Variants in ZNF215 observed in about 807,000 individuals in gnomAD.
The protein encoded by ZNF215 is zinc finger protein 215.
In ZNF215, 24 loss-of-function variants were observed where a neutral mutation model predicts 27.2. The observed-to-expected ratio is 0.88, with a 90% CI of 0.64 to 1.24. The LOEUF (loss-of-function observed/expected upper bound fraction) is 1.24. Ranked by LOEUF, ZNF215 falls within the 50% of genes most tolerant of loss-of-function variation. The pLI is 0.00. For synonymous variants in ZNF215, 210 were observed against 204.0 expected (o/e 1.03, Z -0.25); for missense variants, 675 against 605.7 (o/e 1.11, Z -1.20).
intron 5 of ZNF215, among the ~76,000 whole-genome samples, chr11:6,976,893 G>T (rs995523517): frequency 1.3e-5 from 2 of 152,022 alleles, no homozygotes; most frequent in Middle Eastern, 3.2e-3. Flanking sequence ...GATATCAGAC[G>T]TCTGAAATCA....
At chr11:6,965,478 A>ACTG (rs10657464) in intron 5 of ZNF215, among the ~76,000 whole-genome samples, 150,317 of 152,188 alleles carry the variant, frequency 0.99, 74,255 homozygotes, top group Middle Eastern at 1. Context: ...TGTTTCTAGA[A>ACTG]CTATTTATAG....
intron 1 of ZNF215, among the ~76,000 whole-genome samples, chr11:6,927,354 T>C (rs1005241333): frequency 1.3e-5 from 2 of 152,226 alleles, no homozygotes; most frequent in African/African-American, 4.8e-5. Flanking sequence ...TTATCTAAGC[T>C]ACTCTCGCCA....
chr11:6,956,431 C>A lies in ZNF215; in HGVS notation c.1454C>A (p.Thr485Lys), dbSNP rs545734774. 1.9e-6 allele frequency: 3 copies of A among 1,614,068 alleles called. No homozygotes were observed. The highest frequency in any genetic ancestry group is 2.5e-6 in the Non-Finnish European group (3 of 1,180,016). Residue 485 changes from threonine to lysine, a missense_variant, in exon 7 of 7, where the codon ACG becomes AAG. Transcript: ENST00000278319. ...CTTATTCGACACCAAATGATTCACA[C>A]GGGAGAGAAACCATTCAAATGTAAG... ...SSLIRHQMIH[T>K]GEKPFKCKEC...
chr11:6,993,519 T>TA (rs36083619), downstream of ZNF215, among the ~76,000 whole-genome samples: 10,184 of 152,216 alleles, frequency 0.067, 408 homozygotes, highest in Non-Finnish European at 0.093. Flanking sequence ...TTGGTGTTTT[T>TA]ATACCCCCTC....
chr11:6,958,064 A>G (rs1452632709), downstream of ZNF215: 1 of 985,142 alleles, frequency 1.0e-6, no homozygotes, highest in Non-Finnish European at 1.2e-6. Context: ...TTCATCCTTT[A>G]TATTGCAACA....
chr11:6,983,030 AAGAG>A (rs1376099405), intron 5 of ZNF215, among the ~76,000 whole-genome samples: 1 of 150,664 alleles, frequency 6.6e-6, no homozygotes, highest in Non-Finnish European at 1.5e-5. Context: ...TAAAGAAGAA[AAGAG>A]AGAAGAATCA....
chr11:6,955,985 G>A lies in ZNF215; in HGVS notation c.1008G>A (p.Lys336=). 1 of 1,612,712 alleles carries A rather than the reference G, an allele frequency of 6.2e-7. No individual in the cohort carries two copies. The highest frequency in any genetic ancestry group is 1.7e-5 in the Admixed American group (1 of 59,804). The change falls in exon 7 of 7, where the codon AAG becomes AAA. Residue 336 remains lysine, a synonymous_variant. Coordinates refer to ENST00000278319, the MANE Select transcript of ZNF215 (RefSeq NM_013250.4). The stretch of plus-strand genomic sequence containing the variant: ...GAAAGGGGTCTCCAAAATGTGATAA[G>A]TTTAAAACTTACTTCAAATTTAATT... ...PSRKGSPKCD[K]FKTYFKFNLD... is the part of the protein sequence containing the mutation.
chr11:6,975,164 G>T (rs1261535001), intron 5 of ZNF215, among the ~76,000 whole-genome samples: 2 of 151,904 alleles, frequency 1.3e-5, no homozygotes, highest in Non-Finnish European at 2.9e-5. Flanking sequence ...GTGGTTTTTT[G>T]TCTTTGGTTC....
chr11:6,959,565 A>G (rs1457154427), downstream of ZNF215, among the ~76,000 whole-genome samples: 1 of 152,166 alleles, frequency 6.6e-6, no homozygotes, highest in Non-Finnish European at 1.5e-5. Context: ...TGTTAGATTT[A>G]ATAAATGAAT....
In ZNF215 at chr11:6,956,243, T is replaced by C. The variant is rs1428530774; in HGVS notation, c.1266T>C (p.Leu422=). The C allele has an allele frequency of 6.2e-7, 1 of 1,613,830 alleles. No individual in the cohort carries two copies. The highest frequency in any genetic ancestry group is 2.2e-5 in the East Asian group (1 of 44,866). ...CGRFFNRRTN[L]TKHQKLHAEA... ...GATTCTTCAACCGACGTACAAACCT[T>C]ACTAAGCATCAAAAACTTCATGCTG... Residue 422 remains leucine, a synonymous_variant, in exon 7 of 7, where the codon CTT becomes CTC. Coordinates refer to ENST00000278319, the MANE Select transcript of ZNF215 (RefSeq NM_013250.4).
chr11:6,969,214 CAG>C (rs1196530116), intron 5 of ZNF215, among the ~76,000 whole-genome samples: 1 of 152,144 alleles, frequency 6.6e-6, no homozygotes, highest in Non-Finnish European at 1.5e-5. Context: ...ATCTCAGTAA[CAG>C]TGACTTTGCT....
rs745848922 is a variant in ZNF215 at position 6,932,567 on chromosome 11, A to G, written c.295A>G (p.Ile99Val). Residue 99 changes from isoleucine (I) to valine (V), a missense_variant, in exon 3 of 7, where the codon ATC becomes GTC. Coordinates refer to ENST00000278319, the MANE Select transcript of ZNF215 (RefSeq NM_013250.4). ...ELLVLEQFLA[I>V]LPEEVRTWVN... ...GTTGGTGCTGGAACAATTCCTGGCA[A>G]TCCTGCCTGAAGAAGTCAGGACTTG... 2 of 1,614,206 alleles carry G rather than the reference A, an allele frequency of 1.2e-6. No individual in the cohort carries two copies. Among genetic ancestry groups the G allele is most frequent in the East Asian group, 2.2e-5 (1 of 44,890 alleles).
intron 5 of ZNF215, among the ~76,000 whole-genome samples, chr11:6,975,378 T>G (rs2262676): frequency 0.23 from 34,435 of 151,908 alleles, 4,024 homozygotes; most frequent in Non-Finnish European, 0.25. Flanking sequence ...TTTATCCTTT[T>G]TGTTATGATC....
intron 6 of ZNF215, among the ~76,000 whole-genome samples, chr11:6,949,289 GT>G (rs1467564269): frequency 6.6e-6 from 1 of 152,142 alleles, no homozygotes; most frequent in Non-Finnish European, 1.5e-5. Flanking sequence ...GGGTCAAATG[GT>G]ATTTCTAGTT....
Position 6,956,205 on chromosome 11 carries a change from A to C in ZNF215, c.1228A>C (p.Ser410Arg), listed in dbSNP as rs556037153. 1 of 1,612,938 alleles carries C rather than the reference A, an allele frequency of 6.2e-7. No homozygotes were observed. The highest frequency in any genetic ancestry group is 1.3e-5 in the African/African-American group (1 of 74,880). Residue 410 changes from serine to arginine, a missense_variant, in exon 7 of 7, where the codon AGT becomes CGT. Coordinates refer to ENST00000278319, the MANE Select transcript of ZNF215 (RefSeq NM_013250.4). The stretch of plus-strand genomic sequence containing the variant: ...CACAGGAGAGAAACCCTATAAATGC[A>C]GTGAATGTGGGAGATTCTTCAACCG... The part of the protein sequence containing the change: ...IHTGEKPYKC[S>R]ECGRFFNRRT...
At chr11:6,946,608 CT>C (rs1017945925) in intron 6 of ZNF215, among the ~76,000 whole-genome samples, 7 of 152,174 alleles carry the variant, frequency 4.6e-5, no homozygotes, top group African/African-American at 1.7e-4. Flanking sequence ...CTAATTGACC[CT>C]TATTCCTCAG....
At chr11:6,975,581 T>A (rs767350539) in intron 5 of ZNF215, among the ~76,000 whole-genome samples, 7 of 152,064 alleles carry the variant, frequency 4.6e-5, no homozygotes, top group Non-Finnish European at 8.8e-5. Context: ...AGTTCAATTG[T>A]TTTAACCTTT....
At chr11:6,992,764 G>T (rs1423009500), downstream of ZNF215, among the ~76,000 whole-genome samples, 2 of 152,072 alleles carry the variant, frequency 1.3e-5, no homozygotes, top group Non-Finnish European at 2.9e-5. Flanking sequence ...TTCATTCTGG[G>T]ACATCTGACC....
chr11:6,939,042 C>G (rs776973271), intron 3 of ZNF215, among the ~76,000 whole-genome samples: 1 of 151,902 alleles, frequency 6.6e-6, no homozygotes, highest in Non-Finnish European at 1.5e-5. Context: ...ATACAAAAAG[C>G]AAGGAAGTAA....
Sources: allele counts gnomAD v4.1 joint callset (sites outside exome capture counted in the v4.1 genomes callset), GRCh38; gene constraint gnomAD v4.1.1; transcripts MANE v1.5; gene names NCBI Gene and HGNC (gene_info 2026-07-23, HGNC 2026-07-21).